The following PCDH9 variants were observed in gnomAD, a reference collection of about 807,000 sequenced individuals.
The protein encoded by PCDH9 is protocadherin 9.
Under a neutral mutation model 70.6 loss-of-function variants are expected in PCDH9, and 24 were observed. The ratio of observed to expected loss-of-function variants is 0.34; its 90% CI spans 0.25 to 0.48. The LOEUF is 0.48. Among genes scored for constraint, PCDH9 ranks in the 20% least tolerant of loss-of-function variants. The pLI, the probability that PCDH9 is intolerant of heterozygous loss-of-function variation, is 0.99. For missense variants in PCDH9, 1,281 were observed against 1,503.6 expected (o/e 0.85, Z 2.45); for synonymous variants, 562 against 558.5 (o/e 1.01, Z -0.09).
At chr13:66,949,601 C>T (rs1472439138) in intron 2 of PCDH9, among the ~76,000 whole-genome samples, 1 of 151,956 alleles carries the variant, frequency 6.6e-6, no homozygotes, top group Non-Finnish European at 1.5e-5. Context: ...CGTTCCTCTG[C>T]ATCTCGGAGG....
intron 4 of PCDH9, among the ~76,000 whole-genome samples, chr13:66,319,870 C>T (rs949751771): frequency 1.3e-5 from 2 of 151,970 alleles, no homozygotes; most frequent in African/African-American, 2.4e-5. Context: ...AATTGTTATC[C>T]AAACTGTGAA....
intron 4 of PCDH9, among the ~76,000 whole-genome samples, chr13:66,380,700 C>T (rs922439428): frequency 5.3e-5 from 8 of 151,938 alleles, no homozygotes; most frequent in African/African-American, 1.2e-4. Context: ...CCCGCCACCA[C>T]GCCCGGCTAA....
At chr13:66,355,924 C>A (rs765141916) in intron 4 of PCDH9, among the ~76,000 whole-genome samples, 19 of 152,212 alleles carry the variant, frequency 1.2e-4, no homozygotes, top group Non-Finnish European at 2.2e-4. Flanking sequence ...ACAATGATGT[C>A]TTCTCTGACT....
At chr13:66,609,595 A>AT (rs538680382) in intron 4 of PCDH9, among the ~76,000 whole-genome samples, 3 of 152,200 alleles carry the variant, frequency 2.0e-5, no homozygotes, top group South Asian at 2.1e-4. Flanking sequence ...TATAAAGCAG[A>AT]TTTTTTTGAA....
intron 3 of PCDH9, among the ~76,000 whole-genome samples, chr13:66,738,160 G>A (rs1018628819): frequency 1.3e-5 from 2 of 152,154 alleles, no homozygotes; most frequent in African/African-American, 4.8e-5. Flanking sequence ...CGGGCAGACG[G>A]CCTCCTCAAG....
chr13:67,079,916 A>G (rs2085950329), intron 2 of PCDH9, among the ~76,000 whole-genome samples: 1 of 152,092 alleles, frequency 6.6e-6, no homozygotes, highest in South Asian at 2.1e-4. Context: ...AACTCTCCCA[A>G]CCAATTCCCA....
At chr13:66,958,209 A>G (rs2083292813) in intron 2 of PCDH9, among the ~76,000 whole-genome samples, 1 of 152,236 alleles carries the variant, frequency 6.6e-6, no homozygotes, top group African/African-American at 2.4e-5. Flanking sequence ...CCTTGAAATG[A>G]AAGCTAATAA....
At chr13:67,093,561 A>T (rs1244793045) in intron 2 of PCDH9, among the ~76,000 whole-genome samples, 1 of 152,204 alleles carries the variant, frequency 6.6e-6, no homozygotes, top group Non-Finnish European at 1.5e-5. Context: ...AACAGATTTT[A>T]GATAAAAACA....
At chr13:66,733,826 C>A (rs1052500721) in intron 3 of PCDH9, among the ~76,000 whole-genome samples, 2 of 152,048 alleles carry the variant, frequency 1.3e-5, no homozygotes, top group Non-Finnish European at 2.9e-5. Flanking sequence ...CTTTTTGTTA[C>A]TTTGCTAGTC....
intron 4 of PCDH9, among the ~76,000 whole-genome samples, chr13:66,493,234 G>A (rs1204426977): frequency 6.6e-6 from 1 of 152,056 alleles, no homozygotes; most frequent in Non-Finnish European, 1.5e-5. Context: ...TATATTTTAT[G>A]TCAGTGTGGC....
intron 2 of PCDH9, among the ~76,000 whole-genome samples, chr13:66,961,215 GTATGAAA>G (rs2083340246): frequency 6.6e-6 from 1 of 152,126 alleles, no homozygotes; most frequent in African/African-American, 2.4e-5. Flanking sequence ...AAAAGTGGTG[GTATGAAA>G]ACAATCAGAG....
intron 2 of PCDH9, among the ~76,000 whole-genome samples, chr13:67,012,017 G>A (rs902820287): frequency 4.6e-5 from 7 of 151,698 alleles, no homozygotes; most frequent in African/African-American, 1.5e-4. Context: ...ACATGACCTC[G>A]CCTTGAATAG....
intron 2 of PCDH9, among the ~76,000 whole-genome samples, chr13:66,945,963 T>C (rs2083081720): frequency 2.0e-5 from 3 of 152,148 alleles, no homozygotes; most frequent in Non-Finnish European, 4.4e-5. Context: ...CTACTGATAA[T>C]ATATATAAAA....
At chr13:66,462,110 A>C (rs1195405342) in intron 4 of PCDH9, among the ~76,000 whole-genome samples, 2 of 151,812 alleles carry the variant, frequency 1.3e-5, no homozygotes, top group African/African-American at 4.8e-5. Context: ...GAATATTTAC[A>C]CTATGGAAAT....
At chr13:66,864,728 G>T (rs1289712877) in intron 3 of PCDH9, among the ~76,000 whole-genome samples, 1 of 152,174 alleles carries the variant, frequency 6.6e-6, no homozygotes, top group African/African-American at 2.4e-5. Flanking sequence ...CAGGTGGCTG[G>T]ACTGCACTGC....
At chr13:66,849,525 G>T (rs1214250377) in intron 3 of PCDH9, among the ~76,000 whole-genome samples, 3 of 146,204 alleles carry the variant, frequency 2.1e-5, no homozygotes, top group African/African-American at 7.7e-5. Context: ...TATAGAGAGA[G>T]AGAGAGAGAG....
At chr13:66,681,968 T>TATATATATATATATATATA (rs1566502472) in intron 3 of PCDH9, among the ~76,000 whole-genome samples, 66 of 148,384 alleles carry the variant, frequency 4.4e-4, no homozygotes, top group South Asian at 6.4e-4. Context: ...TATATATATA[T>TATATATATATATATATATA]TTGAGAGATT....
intron 2 of PCDH9, among the ~76,000 whole-genome samples, chr13:67,107,315 C>G (rs948943862): frequency 6.6e-6 from 1 of 152,134 alleles, no homozygotes; most frequent in African/African-American, 2.4e-5. Context: ...GAGCAGGCAG[C>G]CCCAAATGAG....
chr13:66,721,418 T>C (rs995584831), intron 3 of PCDH9, among the ~76,000 whole-genome samples: 2 of 152,208 alleles, frequency 1.3e-5, no homozygotes, highest in Admixed American at 1.3e-4. Flanking sequence ...CTGTTTATCT[T>C]AGTTTAGTCT....
Sources: gnomAD v4.1 joint callset for allele counts (sites outside exome capture counted in the v4.1 genomes callset) on GRCh38, gnomAD v4.1.1 for gene constraint, MANE v1.5 for transcripts, NCBI Gene and HGNC (gene_info 2026-07-23, HGNC 2026-07-21) for gene names.